The following SMARCD3 variants were observed in gnomAD, a reference collection of about 807,000 sequenced individuals.
SMARCD3 encodes SWI/SNF-related matrix-associated actin-dependent regulator of chromatin subfamily D member 3.
In SMARCD3, 14 loss-of-function variants were observed where a neutral mutation model predicts 58.0. The observed-to-expected ratio is 0.24, with a 90% confidence interval of 0.16 to 0.38. The LOEUF (loss-of-function observed/expected upper bound fraction) is 0.38. Ranked by LOEUF, SMARCD3 falls within the 10% of genes least tolerant of loss-of-function variation. The pLI, the probability that SMARCD3 is intolerant of heterozygous loss-of-function variation, is 1.00. For synonymous variants in SMARCD3, 253 were observed against 253.8 expected (o/e 1.00, Z 0.03); for missense variants, 408 against 636.9 (o/e 0.64, Z 3.87).
rs536568923 is a variant in SMARCD3 at position 151,239,096 on chromosome 7, T to G, written c.*7A>C. On this transcript the variant is annotated 3_prime_UTR_variant, in exon 13 of 13. Transcript: ENST00000262188. This position sits in a 1 kb window ranked among gnomAD's most constrained non-coding sequence, Gnocchi z 7.0. ...AAAGTTCCGTCGTGCTGCTTATTTT[T>G]GGGCTCCTAGGTGTTGCGCACAACC... 3.1e-6 allele frequency: 5 copies of G among 1,614,018 alleles called. No homozygotes were observed. In the African/African-American group the frequency reaches 4.0e-5, roughly 13 times the overall value.
In SMARCD3 at chr7:151,238,889, C is replaced by T. The variant is rs1038324422; in HGVS notation, c.*214G>A. ...CAAGGGAAGGGAATGGGGAGTCGTC[C>T]CGAGGGACCCACTGCCTCCCCACCT... On this transcript the variant is annotated 3_prime_UTR_variant, in exon 13 of 13. Coordinates refer to ENST00000262188, the MANE Select transcript of SMARCD3 (RefSeq NM_001003801.2). The T allele has an allele frequency of 2.4e-6, 3 of 1,260,610 alleles. No individual in the cohort carries two copies. Among genetic ancestry groups the T allele is most frequent in the Admixed American group, 4.1e-5 (2 of 48,406 alleles). The allele number at this position is 1,260,610 out of a possible 1,614,324, so 78.1% of individuals were successfully genotyped here.
Position 151,243,596 on chromosome 7 carries a change from GA to G in SMARCD3, c.333+62del. 1.1e-6 allele frequency: 1 copy of G among 876,926 alleles called. No individual in the cohort carries two copies. The highest frequency in any genetic ancestry group is 1.9e-6 in the Non-Finnish European group (1 of 518,838). The allele number at this position is 876,926 out of a possible 1,614,324, so 54.3% of individuals were successfully genotyped here. On this transcript the variant is annotated intron_variant, in intron 3 of 12. Transcript: ENST00000262188. The surrounding 1 kb of genome is among the most constrained non-coding windows in gnomAD (Gnocchi z 4.4). Reference sequence around the variant, plus strand: ...TGCTGAAGCTCTGCTTCTGAGGGGGGAGGGGAGGGCGGAGCAGCAAAGGGTG... The same window carrying G: ...TGCTGAAGCTCTGCTTCTGAGGGGGGGGGGAGGGCGGAGCAGCAAAGGGTG...
rs1803236980 is a variant in SMARCD3 at position 151,245,885 on chromosome 7, G to A, written c.79-214C>T. The A allele has an allele frequency of 5.3e-6, 2 of 376,396 alleles. No homozygotes were observed. Among genetic ancestry groups the A allele is most frequent in the Non-Finnish European group, 9.4e-6 (2 of 212,174 alleles). 23.3% of individuals were successfully genotyped at this position (376,396 alleles called of 1,614,324 possible). The stretch of plus-strand genomic sequence containing the variant: ...GGAGGGGCTTGGCGTCTGGCTGCAG[G>A]AAGCTAACTGAAGCCAGGCACCGCA... On this transcript the variant is annotated intron_variant, in intron 1 of 12. Coordinates refer to ENST00000262188, the MANE Select transcript of SMARCD3 (RefSeq NM_001003801.2). This position sits in a 1 kb window ranked among gnomAD's most constrained non-coding sequence, Gnocchi z 6.2.
At chr7:151,259,834 T>C (rs1023861667) in intron 2 of SMARCD3, among the ~76,000 whole-genome samples, 1 of 151,196 alleles carries the variant, frequency 6.6e-6, no homozygotes, top group Non-Finnish European at 1.5e-5. Flanking sequence ...GGTTTTGAAC[T>C]CCTGACCTCA....
chr7:151,270,859 C>T (rs1795154022), intron 2 of SMARCD3, among the ~76,000 whole-genome samples: 1 of 152,072 alleles, frequency 6.6e-6, no homozygotes, highest in Admixed American at 6.6e-5. Context: ...AGTGTGTGGA[C>T]CAGGGCAGTG....
intron 2 of SMARCD3, among the ~76,000 whole-genome samples, chr7:151,256,886 C>T (rs1452543616): frequency 6.6e-6 from 1 of 152,104 alleles, no homozygotes; most frequent in Non-Finnish European, 1.5e-5. Flanking sequence ...TACAGCCAGC[C>T]GTGCCTCCGT....
intron 2 of SMARCD3, among the ~76,000 whole-genome samples, chr7:151,270,882 A>G (rs1795154962): frequency 6.6e-6 from 1 of 152,194 alleles, no homozygotes; most frequent in Non-Finnish European, 1.5e-5. Context: ...GTGGGAAATC[A>G]GAAGCAGATG....
upstream of SMARCD3, among the ~76,000 whole-genome samples, chr7:151,249,689 G>A (rs1803447643): frequency 6.6e-6 from 1 of 151,870 alleles, no homozygotes; most frequent in African/African-American, 2.4e-5. This position sits in a 1 kb window ranked among gnomAD's most constrained non-coding sequence, Gnocchi z 4.8. Context: ...AGAGGAGTTG[G>A]GGCAGCTGGG....
chr7:151,239,036 C>T lies in SMARCD3; in HGVS notation c.*67G>A. On this transcript the variant is annotated 3_prime_UTR_variant, in exon 13 of 13. Transcript: ENST00000262188. The surrounding 1 kb of genome is among the most constrained non-coding windows in gnomAD (Gnocchi z 7.0). ...AGGTGGCAGAGGAGTGATGCTGGAG[C>T]CCGGGGCAAAATGCTGGGGCCCGGG... 1 of 1,493,420 alleles carries T rather than the reference C, an allele frequency of 6.7e-7. No individual in the cohort carries two copies. The highest frequency in any genetic ancestry group is 1.1e-5 in the South Asian group (1 of 88,688). 92.5% of individuals were successfully genotyped at this position (1,493,420 alleles called of 1,614,324 possible). A position where few individuals can be genotyped will look rare whatever the true frequency, so the allele number is the denominator to read the frequency against.
intron 2 of SMARCD3, among the ~76,000 whole-genome samples, chr7:151,270,431 T>G (rs529199936): frequency 4.6e-5 from 7 of 152,178 alleles, no homozygotes; most frequent in Non-Finnish European, 1.0e-4. Flanking sequence ...TGCTCATTCA[T>G]TCAAGAAATA....
At chr7:151,257,938 A>G (rs570301194) in intron 2 of SMARCD3, among the ~76,000 whole-genome samples, 2 of 151,996 alleles carry the variant, frequency 1.3e-5, no homozygotes, top group East Asian at 3.9e-4. Context: ...CCAATCACCT[A>G]TTTGGCATTT....
chr7:151,256,069 CG>C (rs1475786612), intron 2 of SMARCD3, among the ~76,000 whole-genome samples: 1 of 152,006 alleles, frequency 6.6e-6, no homozygotes, highest in Non-Finnish European at 1.5e-5. Context: ...TTAGTAGAGA[CG>C]GGGTTTCACC....
intron 2 of SMARCD3, among the ~76,000 whole-genome samples, chr7:151,258,247 C>T (rs1803768181): frequency 6.6e-6 from 1 of 152,084 alleles, no homozygotes; most frequent in Admixed American, 6.5e-5. Context: ...AGTCTGTTCT[C>T]AACATGGCAA....
At chr7:151,251,925 C>A (rs1584880929), upstream of SMARCD3, among the ~76,000 whole-genome samples, 1 of 146,654 alleles carries the variant, frequency 6.8e-6, no homozygotes, top group Non-Finnish European at 1.5e-5. Flanking sequence ...CTCGGGCCGG[C>A]CCGGCCCGCG....
In SMARCD3 at chr7:151,239,570, C is replaced by CT; in HGVS notation, c.1296+53dup. 1 of 1,613,260 alleles carries CT rather than the reference C, an allele frequency of 6.2e-7. No homozygotes were observed. On this transcript the variant is annotated intron_variant, in intron 11 of 12. Coordinates refer to ENST00000262188, the MANE Select transcript of SMARCD3 (RefSeq NM_001003801.2). This position sits in a 1 kb window ranked among gnomAD's most constrained non-coding sequence, Gnocchi z 7.0. ...GCCCCTGGAGTACAACGTTTACTCT[C>CT]TTTCCCGCTGTGCTTGTCTTCCACT...
upstream of SMARCD3, among the ~76,000 whole-genome samples, chr7:151,252,830 T>C (rs1803571932): frequency 6.6e-6 from 1 of 152,208 alleles, no homozygotes; most frequent in African/African-American, 2.4e-5. Context: ...CCTGTTTGTG[T>C]TGGGATGTTT....
At chr7:151,267,809 C>T (rs992551212) in intron 2 of SMARCD3, among the ~76,000 whole-genome samples, 4 of 152,058 alleles carry the variant, frequency 2.6e-5, no homozygotes, top group Non-Finnish European at 5.9e-5. Context: ...AGACTCCTCT[C>T]TACGAAAATT....
chr7:151,251,880 C>A (rs1375898889), upstream of SMARCD3, among the ~76,000 whole-genome samples: 1 of 147,306 alleles, frequency 6.8e-6, no homozygotes, highest in African/African-American at 2.5e-5. Flanking sequence ...CCACCGCGCC[C>A]GAGCGAGCGG....
intron 2 of SMARCD3, chr7:151,275,084 T>A: frequency 6.2e-7 from 1 of 1,602,220 alleles, no homozygotes; most frequent in Non-Finnish European, 8.5e-7. Context: ...GAGCTTCTGC[T>A]CCTGGGCTGG....
Sources: allele counts gnomAD v4.1 joint callset (sites outside exome capture counted in the v4.1 genomes callset), GRCh38; gene constraint gnomAD v4.1.1; non-coding constraint Gnocchi (gnomAD v3.1); transcripts MANE v1.5; gene names NCBI Gene and HGNC (gene_info 2026-07-23, HGNC 2026-07-21).